MLLT3: variants seen among roughly 807,000 people sequenced by gnomAD.
MLLT3 encodes the protein MLLT3 super elongation complex subunit.
MLLT3 carries 4 observed loss-of-function variants against 53.2 expected under a neutral mutation model. The ratio of observed to expected loss-of-function variants is 0.08; its 90% CI spans 0.04 to 0.17. The LOEUF (loss-of-function observed/expected upper bound fraction) is 0.17, where lower values mean the gene tolerates loss of function less well. Among genes scored for constraint, MLLT3 ranks in the 10% least tolerant of loss-of-function variants. The pLI, the probability that MLLT3 is intolerant of heterozygous loss-of-function variation, is 1.00. For missense variants in MLLT3, 569 were observed against 684.0 expected (o/e 0.83, Z 1.87); for synonymous variants, 283 against 230.6 (o/e 1.23, Z -2.06).
intron 5 of MLLT3, among the ~76,000 whole-genome samples, chr9:20,371,622 C>A (rs1821603834): frequency 6.6e-6 from 1 of 152,186 alleles, no homozygotes; most frequent in African/African-American, 2.4e-5. Flanking sequence ...ACTGTTGAGA[C>A]CTACTACTCA....
At chr9:20,592,550 T>A (rs1174893829) in intron 2 of MLLT3, among the ~76,000 whole-genome samples, 1 of 152,196 alleles carries the variant, frequency 6.6e-6, no homozygotes, top group African/African-American at 2.4e-5. Context: ...CATTTTACCT[T>A]AATTACTTCT....
chr9:20,585,161 G>A (rs191001364), intron 2 of MLLT3, among the ~76,000 whole-genome samples: 1 of 152,266 alleles, frequency 6.6e-6, no homozygotes, highest in African/African-American at 2.4e-5. Flanking sequence ...GGGGCCAACT[G>A]ATTCTGTTTC....
chr9:20,409,666 T>C (rs1212340155), intron 5 of MLLT3, among the ~76,000 whole-genome samples: 2 of 152,188 alleles, frequency 1.3e-5, no homozygotes, highest in African/African-American at 4.8e-5. Flanking sequence ...TCCCCTATCA[T>C]GCTTTCTGTA....
intron 2 of MLLT3, among the ~76,000 whole-genome samples, chr9:20,504,073 G>A (rs753674791): frequency 6.6e-6 from 1 of 152,078 alleles, no homozygotes; most frequent in Non-Finnish European, 1.5e-5. Flanking sequence ...GATATAGAGA[G>A]CAGAGAAAAA....
chr9:20,422,616 G>T (rs1172844455), intron 4 of MLLT3, among the ~76,000 whole-genome samples: 1 of 152,158 alleles, frequency 6.6e-6, no homozygotes, highest in South Asian at 2.1e-4. Flanking sequence ...TTCAAGGAGA[G>T]ATTCGAGAGA....
At chr9:20,604,317 A>G (rs1474878614) in intron 2 of MLLT3, among the ~76,000 whole-genome samples, 4 of 152,084 alleles carry the variant, frequency 2.6e-5, no homozygotes, top group Admixed American at 6.6e-5. Flanking sequence ...CTGAACTTCA[A>G]GCCTAAAAAT....
chr9:20,507,821 TAATAG>T (rs1361428612), intron 2 of MLLT3, among the ~76,000 whole-genome samples: 1 of 146,008 alleles, frequency 6.8e-6, no homozygotes, highest in Non-Finnish European at 1.5e-5. Context: ...GTTAAAATCA[TAATAG>T]AATAAAAGGA....
At chr9:20,497,717 G>A (rs1309649298) in intron 2 of MLLT3, among the ~76,000 whole-genome samples, 1 of 152,074 alleles carries the variant, frequency 6.6e-6, no homozygotes, top group African/African-American at 2.4e-5. Flanking sequence ...GTGGACATCT[G>A]GGTGTCCTTC....
At chr9:20,390,418 C>A (rs193200259) in intron 5 of MLLT3, among the ~76,000 whole-genome samples, 2 of 152,126 alleles carry the variant, frequency 1.3e-5, no homozygotes, top group African/African-American at 2.4e-5. Context: ...AAGCACTGAT[C>A]CCAAAATAAT....
intron 3 of MLLT3, among the ~76,000 whole-genome samples, chr9:20,451,868 G>A (rs758578262): frequency 6.6e-6 from 1 of 152,226 alleles, no homozygotes; most frequent in South Asian, 2.1e-4. Context: ...GTCCCTGTTG[G>A]TTTAGAGTTT....
At chr9:20,567,267 T>C (rs1184792228) in intron 2 of MLLT3, among the ~76,000 whole-genome samples, 2 of 81,490 alleles carry the variant, frequency 2.5e-5, no homozygotes, top group Non-Finnish European at 4.7e-5. Flanking sequence ...CGTGTTTCTA[T>C]AACCAAAAGA....
At chr9:20,570,395 A>G (rs922018101) in intron 2 of MLLT3, among the ~76,000 whole-genome samples, 3 of 152,212 alleles carry the variant, frequency 2.0e-5, no homozygotes, top group Admixed American at 2.0e-4. Context: ...CTAACACTTA[A>G]GAGAAATGAA....
intron 2 of MLLT3, among the ~76,000 whole-genome samples, chr9:20,594,765 C>T (rs757332778): frequency 8.5e-5 from 13 of 152,242 alleles, no homozygotes; most frequent in Middle Eastern, 3.4e-3. Context: ...CTAATTATAA[C>T]GCATTAGCAT....
rs973683812 is a variant in MLLT3, at chr9:20,374,617, G to A, written c.1126-8873C>T. On this transcript the variant is annotated intron_variant, in intron 5 of 10. Coordinates refer to ENST00000380338, the MANE Select transcript of MLLT3 (RefSeq NM_004529.4). ...GAATTATTAAAAGCCAGAATCAAGA[G>A]AAATTTTATTATCATTTGGTTTTAC... 5.3e-5 allele frequency among the ~76,000 whole-genome samples: 8 copies of A among 152,240 alleles called. No homozygotes were observed. The East Asian group carries it at 1.4e-3, about 26-fold the overall frequency.
intron 5 of MLLT3, among the ~76,000 whole-genome samples, chr9:20,381,350 T>C (rs1234028385): frequency 6.6e-6 from 1 of 151,952 alleles, no homozygotes; most frequent in Non-Finnish European, 1.5e-5. Flanking sequence ...GGAAAATTTA[T>C]TTCTGCTGAA....
At chr9:20,355,329 T>C (rs897195187) in intron 8 of MLLT3, among the ~76,000 whole-genome samples, 1 of 152,202 alleles carries the variant, frequency 6.6e-6, no homozygotes. Flanking sequence ...AATGCCCTTT[T>C]TAGTACCTAA....
At chr9:20,522,903 A>G (rs552757754) in intron 2 of MLLT3, among the ~76,000 whole-genome samples, 2 of 152,268 alleles carry the variant, frequency 1.3e-5, no homozygotes, top group South Asian at 4.1e-4. Flanking sequence ...TCGAGGCTTC[A>G]GTGAGACGTG....
At chr9:20,382,810 A>G (rs1323604899) in intron 5 of MLLT3, among the ~76,000 whole-genome samples, 3 of 152,044 alleles carry the variant, frequency 2.0e-5, no homozygotes, top group African/African-American at 7.2e-5. Context: ...ACTTACATCA[A>G]TTCCTTGCTC....
chr9:20,538,772 T>G (rs530326778), intron 2 of MLLT3, among the ~76,000 whole-genome samples: 1 of 152,358 alleles, frequency 6.6e-6, no homozygotes, highest in Admixed American at 6.5e-5. Flanking sequence ...TTTAAAAATC[T>G]GCACAGGCAT....
Sources: gnomAD v4.1 joint callset for allele counts (sites outside exome capture counted in the v4.1 genomes callset) on GRCh38, gnomAD v4.1.1 for gene constraint, MANE v1.5 for transcripts, NCBI Gene and HGNC (gene_info 2026-07-23, HGNC 2026-07-21) for gene names.